The following FAHD2B variants were observed in gnomAD, a reference collection of about 807,000 sequenced individuals.
FAHD2B encodes fumarylacetoacetate hydrolase domain containing 2B, also known as oxaloacetate tautomerase FAHD2B, mitochondrial.
FAHD2B carries 26 observed loss-of-function variants against 33.7 expected under a neutral mutation model. That is an observed-to-expected ratio of 0.77 (90% CI 0.57 to 1.07). The LOEUF is 1.07. Ranked by LOEUF, FAHD2B falls within the 50% of genes least tolerant of loss-of-function variation. The pLI is 0.00. For missense variants in FAHD2B, 272 were observed against 388.1 expected, an observed-to-expected ratio of 0.70 and a Z score of 2.51; for synonymous variants, 108 against 150.9, an observed-to-expected ratio of 0.72 and a Z score of 2.08.
chr2:97,084,711 A>T (rs2031850664), intron 6 of FAHD2B, among the ~76,000 whole-genome samples: 4 of 152,014 alleles, frequency 2.6e-5, no homozygotes, highest in Admixed American at 2.6e-4. Context: ...GGAGTTCAAA[A>T]CCAGCCTGGG....
At chr2:97,085,234 G>A (rs60923384) in intron 6 of FAHD2B, among the ~76,000 whole-genome samples, 3,518 of 150,132 alleles carry the variant, frequency 0.023, 131 homozygotes, top group African/African-American at 0.081. Context: ...AAGAGGCTGC[G>A]CTCTGCCCTC....
chr2:97,078,962 C>T (rs1248258739), downstream of FAHD2B, among the ~76,000 whole-genome samples: 2 of 151,988 alleles, frequency 1.3e-5, no homozygotes, highest in Non-Finnish European at 2.9e-5. Context: ...CCTTTCTTTG[C>T]GTCCATATGT....
rs2032257816 is a variant in FAHD2B at position 97,090,286 on chromosome 2, C to T, written c.285G>A (p.Glu95=). 1 of 1,613,600 alleles carries T rather than the reference C, an allele frequency of 6.2e-7. No individual in the cohort carries two copies. Among genetic ancestry groups the T allele is most frequent in the Non-Finnish European group, 8.5e-7 (1 of 1,179,800 alleles). ...ATGTGACTGGAGCCAGGAAGGTTAC[C>T]TCCGACCATGGTAGGACTGGCAACT... ...AAQLPVLPWS[E]VTFLAPVTWP... The change falls in exon 4 of 9, where the codon GAG becomes GAA. Residue 95 remains glutamate, a synonymous_variant. Coordinates refer to ENST00000414820, the MANE Select transcript of FAHD2B (RefSeq NM_001320848.2).
At chr2:97,081,049 T>C, downstream of FAHD2B, 1 of 1,454,954 alleles carries the variant, frequency 6.9e-7, no homozygotes, top group Non-Finnish European at 9.1e-7. Flanking sequence ...GGGATGTGTG[T>C]GCAGTGGTGA....
Position 97,083,801 on chromosome 2 carries a change from T to C in FAHD2B, c.899A>G (p.Gln300Arg), listed in dbSNP as rs2031765392. 1 of 1,614,170 alleles carries C rather than the reference T, an allele frequency of 6.2e-7. No homozygotes were observed. Among genetic ancestry groups the C allele is most frequent in the African/African-American group, 1.3e-5 (1 of 75,060 alleles). The change falls in exon 9 of 9, where the codon CAG becomes CGG. Residue 300 changes from glutamine (Q) to arginine (R), a missense_variant. Coordinates refer to ENST00000414820, the MANE Select transcript of FAHD2B (RefSeq NM_001320848.2). ...GACACCTAGTTCTTCAATCTCACAC[T>C]GGACTTCATCCCCCTTCTGCAACAG... ...PVFLKKGDEVQCEIEELGVII... is the reference protein window; with the variant it reads ...PVFLKKGDEVRCEIEELGVII...
chr2:97,086,561 T>G (rs1180400928), intron 4 of FAHD2B: 1 of 214,230 alleles, frequency 4.7e-6, no homozygotes, highest in East Asian at 1.2e-4. Context: ...GGCACTGTTC[T>G]AAGTGTTTTA....
In FAHD2B at chr2:97,090,307, C is replaced by T. The variant is rs768646566; in HGVS notation, c.264G>A (p.Leu88=). Residue 88 remains leucine, a synonymous_variant, in exon 4 of 9, where the codon TTG becomes TTA. Transcript: ENST00000414820. ...TTACCTCCGACCATGGTAGGACTGGCAACTGGGCAGCCAAGGCTCTGTAGA... is the reference window on the plus strand; with the variant it reads ...TTACCTCCGACCATGGTAGGACTGGTAACTGGGCAGCCAAGGCTCTGTAGA... ...SVARRALAAQ[L]PVLPWSEVTF... The T allele has an allele frequency of 6.8e-6, 11 of 1,612,576 alleles. No individual in the cohort carries two copies. Among genetic ancestry groups the T allele is most frequent in the Non-Finnish European group, 9.3e-6 (11 of 1,179,350 alleles).
downstream of FAHD2B, chr2:97,081,647 T>G: frequency 2.8e-6 from 4 of 1,433,562 alleles, no homozygotes; most frequent in South Asian, 6.0e-5. Flanking sequence ...CCCCTGGCCT[T>G]GCAGCGGGGA....
At chr2:97,086,830 T>C (rs2443820) in intron 4 of FAHD2B, 2 of 152,588 alleles carry the variant, frequency 1.3e-5, no homozygotes, top group African/African-American at 4.8e-5. Flanking sequence ...TAAGGAGCAC[T>C]GGGTTCCTTG....
downstream of FAHD2B, among the ~76,000 whole-genome samples, chr2:97,080,832 T>G (rs1352838316): frequency 6.6e-6 from 1 of 152,146 alleles, no homozygotes; most frequent in South Asian, 2.1e-4. Context: ...AGGTACCTTA[T>G]TCTTCTTGTA....
At position 97,084,046 on chromosome 2, in the gene FAHD2B, G is replaced by T; in HGVS notation, c.795-11C>A. 1.9e-6 allele frequency: 3 copies of T among 1,613,512 alleles called. No homozygotes were observed. The highest frequency in any genetic ancestry group is 1.7e-6 in the Non-Finnish European group (2 of 1,179,840). On this transcript the variant is annotated splice_polypyrimidine_tract_variant and intron_variant, in intron 7 of 8. Coordinates refer to ENST00000414820, the MANE Select transcript of FAHD2B (RefSeq NM_001320848.2). ...TAAAAGGTAACAAACCTGGAGCAAA[G>T]CAAAAGGACCCAGTGAGACCAGGGG...
At chr2:97,079,790 G>C (rs1229235419), downstream of FAHD2B, among the ~76,000 whole-genome samples, 1 of 151,464 alleles carries the variant, frequency 6.6e-6, no homozygotes, top group Non-Finnish European at 1.5e-5. Flanking sequence ...TCAGCCTCCC[G>C]AGTAGCTGGG....
At chr2:97,082,642 C>T (rs533624967), downstream of FAHD2B, 6 of 1,545,158 alleles carry the variant, frequency 3.9e-6, 1 homozygote, top group Admixed American at 8.4e-5. Context: ...AGGAGAGAAG[C>T]CTGTGCCCAG....
intron 4 of FAHD2B, among the ~76,000 whole-genome samples, chr2:97,087,190 T>G (rs932641576): frequency 6.6e-6 from 1 of 151,918 alleles, no homozygotes; most frequent in Non-Finnish European, 1.5e-5. Context: ...TAGCTGGGAC[T>G]ACAGGCACCT....
At chr2:97,086,028 G>C in intron 5 of FAHD2B, 111 bp downstream of exon 5, 1 of 1,288,872 alleles carries the variant, frequency 7.8e-7, no homozygotes. Context: ...CTGCTTCCTA[G>C]TGTCAGGGAC....
intron 6 of FAHD2B, among the ~76,000 whole-genome samples, chr2:97,085,368 G>A (rs1444495786): frequency 2.0e-5 from 3 of 150,558 alleles, no homozygotes; most frequent in African/African-American, 4.9e-5. Flanking sequence ...TGGGCCTTGC[G>A]ATAGCTATGC....
chr2:97,086,323 T>C (rs1003740463), intron 4 of FAHD2B, 125 bp from the exon 5 acceptor site: 26 of 1,350,468 alleles, frequency 1.9e-5, no homozygotes, highest in Admixed American at 1.3e-4. Flanking sequence ...GCCATCACCC[T>C]GAACCAGAGC....
downstream of FAHD2B, chr2:97,082,542 A>G: frequency 6.9e-6 from 11 of 1,599,496 alleles, no homozygotes; most frequent in Non-Finnish European, 9.4e-6. Flanking sequence ...CCAGACAGTG[A>G]CAACCCAAGT....
chr2:97,083,640 A>T lies in FAHD2B; in HGVS notation c.*115T>A. On this transcript the variant is annotated 3_prime_UTR_variant, in exon 9 of 9. Transcript: ENST00000414820. Reference sequence around the variant, plus strand: ...AGCTCTGTCCTTCTCCCTTCTACCGAGAAGAGGCGGCTTGCAGGGCTGGCA... The same window carrying T: ...AGCTCTGTCCTTCTCCCTTCTACCGTGAAGAGGCGGCTTGCAGGGCTGGCA... The T allele has an allele frequency of 6.5e-7, 1 of 1,538,940 alleles. No individual in the cohort carries two copies. The highest frequency in any genetic ancestry group is 8.9e-7 in the Non-Finnish European group (1 of 1,123,912).
Sources: allele counts gnomAD v4.1 joint callset (sites outside exome capture counted in the v4.1 genomes callset), GRCh38; gene constraint gnomAD v4.1.1; transcripts MANE v1.5; gene names NCBI Gene and HGNC (gene_info 2026-07-23, HGNC 2026-07-21).